The following PLEKHG1 variants were observed in gnomAD, a reference collection of about 807,000 sequenced individuals.
PLEKHG1 encodes pleckstrin homology domain-containing family G member 1.
A neutral mutation model predicts 100.8 loss-of-function variants in PLEKHG1; 44 were observed. That is an observed-to-expected ratio of 0.44 (90% CI 0.34 to 0.56). The LOEUF is 0.56. Ranked by LOEUF, PLEKHG1 falls within the 20% of genes least tolerant of loss-of-function variation. The pLI is 0.01. For missense variants in PLEKHG1, 1,545 were observed against 1,720.9 expected (o/e 0.90, Z 1.81); for synonymous variants, 640 against 662.5 (o/e 0.97, Z 0.52).
intron 1 of PLEKHG1, among the ~76,000 whole-genome samples, chr6:150,724,558 C>CTTTTTTTTTTTTTTTTTTTTTT: frequency 1.0e-5 from 1 of 100,472 alleles, no homozygotes; most frequent in Non-Finnish European, 2.0e-5. Flanking sequence ...TTTTCTTTTT[C>CTTTTTTTTTTTTTTTTTTTTTT]TTTTTTTTTT....
chr6:150,671,648 GT>G (rs1170690866), intron 3 of PLEKHG1, among the ~76,000 whole-genome samples: 1 of 152,170 alleles, frequency 6.6e-6, no homozygotes, highest in Non-Finnish European at 1.5e-5. Context: ...AAAGATAACA[GT>G]TTAAAAAACC....
chr6:150,836,098 TG>T, intron 15 of PLEKHG1, among the ~76,000 whole-genome samples: 1 of 152,282 alleles, frequency 6.6e-6, no homozygotes, highest in East Asian at 1.9e-4. Context: ...GAAAGGAGTC[TG>T]GGTGCAGTGG....
intron 3 of PLEKHG1, among the ~76,000 whole-genome samples, chr6:150,655,282 G>A (rs1338676156): frequency 1.3e-5 from 2 of 152,154 alleles, no homozygotes; most frequent in Non-Finnish European, 2.9e-5. Flanking sequence ...CCATTACTGG[G>A]TATATACCCA....
intron 3 of PLEKHG1, among the ~76,000 whole-genome samples, chr6:150,680,376 T>A (rs138450204): frequency 1.1e-4 from 16 of 152,336 alleles, no homozygotes; most frequent in African/African-American, 3.8e-4. Flanking sequence ...ATAGTGACAT[T>A]CCTTGGAAGA....
intron 2 of PLEKHG1, among the ~76,000 whole-genome samples, chr6:150,753,429 C>G (rs913500944): frequency 6.6e-6 from 1 of 152,162 alleles, no homozygotes; most frequent in Non-Finnish European, 1.5e-5. Flanking sequence ...CATAATGGGG[C>G]TTACGGTGAT....
Position 150,818,217 on chromosome 6 carries a change from G to A in PLEKHG1, c.1312+1G>A. On this transcript the variant is annotated splice_donor_variant, in intron 11 of 15. Coordinates refer to ENST00000358517, the Ensembl canonical transcript of PLEKHG1. LOFTEE classifies it high-confidence loss of function. The stretch of plus-strand genomic sequence containing the variant: ...GCAATCCTTGAAATGGATGCCATTC[G>A]TAAGTTTTATTTCCTTAAAACAATT... The A allele has an allele frequency of 2.5e-6, 4 of 1,596,496 alleles. No homozygotes were observed. The highest frequency in any genetic ancestry group is 1.1e-5 in the South Asian group (1 of 90,548).
chr6:150,827,989 C>G, intron 14 of PLEKHG1: 3 of 1,611,700 alleles, frequency 1.9e-6, no homozygotes, highest in African/African-American at 1.3e-5. Flanking sequence ...GTTACCAAAG[C>G]TGGCGAGGGC....
At chr6:150,667,090 G>T (rs1339315527) in intron 3 of PLEKHG1, among the ~76,000 whole-genome samples, 1 of 151,896 alleles carries the variant, frequency 6.6e-6, no homozygotes, top group Non-Finnish European at 1.5e-5. Context: ...CCAAAAGGGG[G>T]TGTGTGTGTG....
At chr6:150,770,232 T>C (rs1281468828) in intron 3 of PLEKHG1, among the ~76,000 whole-genome samples, 1 of 152,230 alleles carries the variant, frequency 6.6e-6, no homozygotes, top group African/African-American at 2.4e-5. Context: ...CCTACCCATC[T>C]TGGCTTACTA....
At chr6:150,623,789 C>T (rs528651145) in intron 1 of PLEKHG1, among the ~76,000 whole-genome samples, 14 of 152,322 alleles carry the variant, frequency 9.2e-5, no homozygotes, top group African/African-American at 1.7e-4. Context: ...GAGGCTGCAG[C>T]GACCTGTTTA....
chr6:150,691,965 CA>C (rs1474567089), intron 3 of PLEKHG1, among the ~76,000 whole-genome samples: 2 of 152,210 alleles, frequency 1.3e-5, no homozygotes, highest in African/African-American at 2.4e-5. Context: ...AACAAGAGAC[CA>C]GGGGTGGATC....
chr6:150,733,712 A>G (rs1317062309), exon 2 of PLEKHG1: 1 of 1,614,230 alleles, frequency 6.2e-7, no homozygotes, highest in Admixed American at 1.7e-5. Context: ...CCGACCCGTC[A>G]GCTTCGGTTC....
At chr6:150,805,278 G>C (rs1473138642) in intron 7 of PLEKHG1, among the ~76,000 whole-genome samples, 2 of 152,174 alleles carry the variant, frequency 1.3e-5, no homozygotes, top group South Asian at 2.1e-4. Context: ...TAGCCCCTTT[G>C]ATGGTCTAAG....
At chr6:150,635,067 A>C (rs933595712) in intron 1 of PLEKHG1, among the ~76,000 whole-genome samples, 1 of 152,218 alleles carries the variant, frequency 6.6e-6, no homozygotes, top group African/African-American at 2.4e-5. Context: ...CCAGGAACCA[A>C]AGGAAATGAA....
At chr6:150,760,392 A>G (rs1784088554) in intron 2 of PLEKHG1, among the ~76,000 whole-genome samples, 1 of 152,210 alleles carries the variant, frequency 6.6e-6, no homozygotes, top group African/African-American at 2.4e-5. Context: ...ACCTGATGAC[A>G]AGGAAGACAA....
chr6:150,608,076 A>T (rs1233016094), intron 1 of PLEKHG1, among the ~76,000 whole-genome samples: 1 of 152,220 alleles, frequency 6.6e-6, no homozygotes, highest in Non-Finnish European at 1.5e-5. Context: ...ACAGCAAGGA[A>T]AGAAATGTGA....
chr6:150,623,282 A>G (rs565903513), intron 1 of PLEKHG1, among the ~76,000 whole-genome samples: 22 of 152,318 alleles, frequency 1.4e-4, no homozygotes, highest in African/African-American at 5.1e-4. Context: ...TGCAAGTTAA[A>G]TAACCTTGGG....
At chr6:150,692,487 A>T (rs978627912) in intron 3 of PLEKHG1, among the ~76,000 whole-genome samples, 2 of 152,232 alleles carry the variant, frequency 1.3e-5, no homozygotes, top group Non-Finnish European at 2.9e-5. Context: ...CTATGTGGAA[A>T]ACTAATGGCA....
At chr6:150,717,089 T>C (rs1457070327), upstream of PLEKHG1, among the ~76,000 whole-genome samples, 1 of 152,254 alleles carries the variant, frequency 6.6e-6, no homozygotes, top group African/African-American at 2.4e-5. Flanking sequence ...TGGAGTGCAG[T>C]GGTGCAGTTT....
Sources: gnomAD v4.1 joint callset for allele counts (sites outside exome capture counted in the v4.1 genomes callset) on GRCh38, gnomAD v4.1.1 for gene constraint, MANE v1.5 for transcripts, NCBI Gene and HGNC (gene_info 2026-07-23, HGNC 2026-07-21) for gene names.